Variants in PITPNC1 observed in about 807,000 individuals in gnomAD.
PITPNC1 encodes cytoplasmic phosphatidylinositol transfer protein 1.
Under a neutral mutation model 44.7 loss-of-function variants are expected in PITPNC1, and 18 were observed. The ratio of observed to expected loss-of-function variants is 0.40; its 90% CI spans 0.28 to 0.60. PITPNC1 has a LOEUF of 0.60. Ranked by LOEUF, PITPNC1 falls within the 20% of genes least tolerant of loss-of-function variation. PITPNC1 has a pLI of 0.39. For missense variants in PITPNC1, 290 were observed against 418.4 expected (o/e 0.69, Z 2.68); for synonymous variants, 141 against 149.6 (o/e 0.94, Z 0.42).
intron 1 of PITPNC1, among the ~76,000 whole-genome samples, chr17:67,484,286 T>C (rs1457680372): frequency 6.6e-6 from 1 of 152,062 alleles, no homozygotes; most frequent in East Asian, 1.9e-4. Flanking sequence ...GCTCAGAGAG[T>C]TGTTGTTGGT....
chr17:67,378,117 C>A lies in PITPNC1; in HGVS notation c.-38C>A. 6.7e-7 allele frequency: 1 copy of A among 1,489,702 alleles called. No individual in the cohort carries two copies. Among genetic ancestry groups the A allele is most frequent in the Non-Finnish European group, 9.0e-7 (1 of 1,109,678 alleles). 92.3% of individuals were successfully genotyped at this position (1,489,702 alleles called of 1,614,324 possible). A position where few individuals can be genotyped will look rare whatever the true frequency, so the allele number is the denominator to read the frequency against. On this transcript the variant is annotated 5_prime_UTR_variant, in exon 1 of 9. Coordinates refer to ENST00000581322, the MANE Select transcript of PITPNC1 (RefSeq NM_012417.4). ...AGCCTTGCTGGTCTTGGGGGCGCCCCCCGCTTCCCGCCCCGGGGGTCCGCG... is the reference window on the plus strand; with the variant it reads ...AGCCTTGCTGGTCTTGGGGGCGCCCACCGCTTCCCGCCCCGGGGGTCCGCG...
At chr17:67,647,018 C>A (rs576649872) in intron 6 of PITPNC1, among the ~76,000 whole-genome samples, 2 of 152,304 alleles carry the variant, frequency 1.3e-5, no homozygotes, top group African/African-American at 4.8e-5. Flanking sequence ...CTTTGGAAAT[C>A]ACTCTAAGAA....
intron 1 of PITPNC1, among the ~76,000 whole-genome samples, chr17:67,397,491 A>G (rs773591267): frequency 6.6e-5 from 10 of 150,920 alleles, no homozygotes; most frequent in African/African-American, 9.7e-5. Context: ...TTTTTGAGAA[A>G]AGTTAAGAAC....
At position 67,532,934 on chromosome 17, in the gene PITPNC1, C is replaced by T; in HGVS notation, c.181C>T (p.Arg61Trp). Residue 61 changes from arginine to tryptophan, a missense_variant, in exon 2 of 9, where the codon CGG (arginine) becomes TGG (tryptophan). Coordinates refer to ENST00000581322, the MANE Select transcript of PITPNC1 (RefSeq NM_012417.4). The part of the protein sequence containing the change: ...HHGNGQFTEK[R>W]VYLNSKLPSW... ...TGGCAATGGGCAGTTCACCGAGAAGCGGGTGTATCTCAACAGGTGAGTCAT... is the reference window on the plus strand; with the variant it reads ...TGGCAATGGGCAGTTCACCGAGAAGTGGGTGTATCTCAACAGGTGAGTCAT... The T allele has an allele frequency of 6.2e-7, 1 of 1,609,756 alleles. No homozygotes were observed. The highest frequency in any genetic ancestry group is 8.5e-7 in the Non-Finnish European group (1 of 1,178,530).
At chr17:67,495,250 G>C (rs1412254417) in intron 1 of PITPNC1, among the ~76,000 whole-genome samples, 1 of 151,426 alleles carries the variant, frequency 6.6e-6, no homozygotes, top group Non-Finnish European at 1.5e-5. Context: ...AGTAGAGATG[G>C]GGTTTCATCA....
chr17:67,586,987 T>C (rs1240109556), intron 5 of PITPNC1, among the ~76,000 whole-genome samples: 2 of 152,074 alleles, frequency 1.3e-5, no homozygotes, highest in African/African-American at 4.8e-5. Context: ...TCTGTTAGAA[T>C]TGATGCGGGG....
intron 6 of PITPNC1, among the ~76,000 whole-genome samples, chr17:67,636,159 A>G (rs1257190514): frequency 1.3e-5 from 2 of 151,634 alleles, no homozygotes; most frequent in African/African-American, 4.8e-5. Flanking sequence ...TTAGCCGGCC[A>G]TGGTGGTAGG....
chr17:67,682,990 TCA>T (rs1250460730), intron 8 of PITPNC1, among the ~76,000 whole-genome samples: 2 of 151,676 alleles, frequency 1.3e-5, no homozygotes, highest in Non-Finnish European at 2.9e-5. Context: ...TGAAACCCCG[TCA>T]CTACTAAAAA....
intron 7 of PITPNC1, among the ~76,000 whole-genome samples, chr17:67,674,230 G>A (rs751710202): frequency 1.3e-5 from 2 of 152,068 alleles, no homozygotes; most frequent in Non-Finnish European, 2.9e-5. Flanking sequence ...CAGGCTGGGT[G>A]AAGTGGCTCA....
chr17:67,621,396 C>T (rs1256564807), intron 5 of PITPNC1, among the ~76,000 whole-genome samples: 1 of 151,704 alleles, frequency 6.6e-6, no homozygotes, highest in Non-Finnish European at 1.5e-5. Flanking sequence ...TTTGTAGAGA[C>T]GGGGTTTCGC....
chr17:67,604,296 G>A (rs935660864), intron 5 of PITPNC1, among the ~76,000 whole-genome samples: 4 of 152,182 alleles, frequency 2.6e-5, no homozygotes, highest in African/African-American at 9.7e-5. Context: ...GAGCTGGGTT[G>A]CCTCAATTCT....
intron 6 of PITPNC1, 26 bp from the exon 7 acceptor site, chr17:67,669,482 A>G: frequency 7.0e-7 from 1 of 1,430,106 alleles, no homozygotes; most frequent in Non-Finnish European, 9.3e-7. Flanking sequence ...TTAATATATC[A>G]ATTTCTTTGA....
At chr17:67,452,570 G>A (rs2143952857) in intron 1 of PITPNC1, among the ~76,000 whole-genome samples, 1 of 143,724 alleles carries the variant, frequency 7.0e-6, no homozygotes, top group East Asian at 2.2e-4. Flanking sequence ...TGGAGTCACT[G>A]CAACCTCCTC....
At chr17:67,495,037 GTTGTTTTTTTTTTT>G (rs2039925998) in intron 1 of PITPNC1, among the ~76,000 whole-genome samples, 1 of 79,376 alleles carries the variant, frequency 1.3e-5, no homozygotes, top group African/African-American at 4.8e-5. Context: ...GAGCCATGGA[GTTGTTTTTTTTTTT>G]GTTTTTTTTT....
intron 1 of PITPNC1, among the ~76,000 whole-genome samples, chr17:67,475,353 G>A (rs1043235647): frequency 2.6e-5 from 4 of 152,134 alleles, no homozygotes; most frequent in Admixed American, 1.3e-4. Context: ...GACGCCTACC[G>A]AGCTGGGTAC....
At chr17:67,409,357 T>G (rs1198618930) in intron 1 of PITPNC1, among the ~76,000 whole-genome samples, 1 of 152,104 alleles carries the variant, frequency 6.6e-6, no homozygotes, top group Admixed American at 6.6e-5. Flanking sequence ...GTGCTGGGAT[T>G]ACAGGCGTGA....
chr17:67,593,226 A>G (rs1353776911), intron 5 of PITPNC1, among the ~76,000 whole-genome samples: 1 of 152,218 alleles, frequency 6.6e-6, no homozygotes, highest in East Asian at 1.9e-4. Flanking sequence ...TAAGTTCACA[A>G]TAAATTTATG....
chr17:67,391,051 C>CT lies in PITPNC1; in HGVS notation c.48+12855dup, dbSNP rs550740233. Among the ~76,000 whole-genome samples, 9 of 123,168 alleles carry CT rather than the reference C, an allele frequency of 7.3e-5. No individual in the cohort carries two copies. The South Asian group carries it at 9.5e-4, about 13-fold the overall frequency. 80.8% of individuals were successfully genotyped at this position (123,168 alleles called of 152,430 possible). On this transcript the variant is annotated intron_variant, in intron 1 of 8. Coordinates refer to ENST00000581322, the MANE Select transcript of PITPNC1 (RefSeq NM_012417.4). ...GTTCTTGGTCAGATTGATCTAATGA[C>CT]TTTTTTAGCGTGTGTGTGTGTGTGT...
At chr17:67,640,787 C>T (rs1361843438) in intron 6 of PITPNC1, among the ~76,000 whole-genome samples, 1 of 151,090 alleles carries the variant, frequency 6.6e-6, no homozygotes, top group South Asian at 2.1e-4. Flanking sequence ...CTCAGGAGTT[C>T]GAGACCAGCC....
Sources: allele counts gnomAD v4.1 joint callset (sites outside exome capture counted in the v4.1 genomes callset), GRCh38; gene constraint gnomAD v4.1.1; transcripts MANE v1.5; gene names NCBI Gene and HGNC (gene_info 2026-07-23, HGNC 2026-07-21).